CNTN4: variants seen among roughly 807,000 people sequenced by gnomAD.
CNTN4 encodes the protein contactin 4.
CNTN4 carries 77 observed loss-of-function variants against 122.5 expected under a neutral mutation model. The observed-to-expected ratio is 0.63, with a 90% CI of 0.52 to 0.76. CNTN4 has a LOEUF of 0.76. Among genes scored for constraint, CNTN4 ranks in the 30% least tolerant of loss-of-function variants. The pLI, the probability that CNTN4 is intolerant of heterozygous loss-of-function variation, is 0.00. For synonymous variants in CNTN4, 512 were observed against 447.0 expected, an observed-to-expected ratio of 1.15 and a Z score of -1.83; for missense variants, 1,256 against 1,259.1, an observed-to-expected ratio of 1.00 and a Z score of 0.04.
chr3:2,182,007 A>G (rs1427419478), intron 2 of CNTN4, among the ~76,000 whole-genome samples: 2 of 152,168 alleles, frequency 1.3e-5, no homozygotes, highest in East Asian at 1.9e-4. Flanking sequence ...ATCCATTTCA[A>G]TAATGAAGAA....
chr3:2,393,289 C>A (rs2046514157), intron 3 of CNTN4, among the ~76,000 whole-genome samples: 1 of 152,046 alleles, frequency 6.6e-6, no homozygotes, highest in Admixed American at 6.6e-5. Flanking sequence ...ACTAGTTATA[C>A]CTGTAATGAC....
chr3:3,034,711 T>A lies in CNTN4; in HGVS notation c.1863T>A (p.Pro621=), dbSNP rs751018531. The A allele has an allele frequency of 4.3e-6, 7 of 1,614,070 alleles. No individual in the cohort carries two copies. In the South Asian group the frequency reaches 7.7e-5, roughly 18 times the overall value. The change falls in exon 17 of 25, where the codon CCT becomes CCA. Residue 621 remains proline, a synonymous_variant. Transcript: ENST00000418658. ...CTCAGCTCTCCTGGAGACCCGGGCCTGACAACCACAGCCCCATCACCATGT... is the reference window on the plus strand; with the variant it reads ...CTCAGCTCTCCTGGAGACCCGGGCCAGACAACCACAGCCCCATCACCATGT... ...TTAQLSWRPG[P]DNHSPITMYV... is the part of the protein sequence containing the mutation.
At chr3:2,539,961 A>C (rs1257019003) in intron 3 of CNTN4, among the ~76,000 whole-genome samples, 1 of 152,048 alleles carries the variant, frequency 6.6e-6, no homozygotes, top group African/African-American at 2.4e-5. Flanking sequence ...TTTTCCATGC[A>C]GACTCAATAA....
chr3:2,947,404 A>G (rs747878025), intron 13 of CNTN4, among the ~76,000 whole-genome samples: 7 of 152,208 alleles, frequency 4.6e-5, no homozygotes, highest in Non-Finnish European at 1.0e-4. Flanking sequence ...TTGTACATCT[A>G]GATCTAGCTC....
intron 4 of CNTN4, among the ~76,000 whole-genome samples, chr3:2,661,537 G>T (rs2083893880): frequency 6.6e-6 from 1 of 151,816 alleles, no homozygotes; most frequent in Non-Finnish European, 1.5e-5. Context: ...TCCTGGCCAG[G>T]CGTGGTGGCT....
chr3:2,996,014 A>G (rs1193270065), intron 14 of CNTN4, among the ~76,000 whole-genome samples: 2 of 152,194 alleles, frequency 1.3e-5, no homozygotes, highest in African/African-American at 4.8e-5. Flanking sequence ...AATATATTGT[A>G]TGATTAAATA....
chr3:2,541,965 T>A (rs1190700232), intron 3 of CNTN4, among the ~76,000 whole-genome samples: 1 of 152,100 alleles, frequency 6.6e-6, no homozygotes, highest in Non-Finnish European at 1.5e-5. Context: ...TCCAAATATT[T>A]TAAACCAGCA....
chr3:2,515,769 A>G (rs2077022116), intron 3 of CNTN4, among the ~76,000 whole-genome samples: 1 of 152,160 alleles, frequency 6.6e-6, no homozygotes, highest in Admixed American at 6.6e-5. Flanking sequence ...TACTGCAGAT[A>G]CTGGAAAAAG....
At chr3:2,482,262 T>C (rs924248905) in intron 3 of CNTN4, among the ~76,000 whole-genome samples, 5 of 152,120 alleles carry the variant, frequency 3.3e-5, no homozygotes, top group African/African-American at 1.2e-4. Context: ...CTTGCTATGA[T>C]TTAGCAAAGA....
intron 3 of CNTN4, among the ~76,000 whole-genome samples, chr3:2,368,409 G>A (rs1162122760): frequency 6.6e-6 from 1 of 152,040 alleles, no homozygotes; most frequent in Non-Finnish European, 1.5e-5. Context: ...ATATGTGGCT[G>A]TGTCTAGCCA....
intron 4 of CNTN4, among the ~76,000 whole-genome samples, chr3:2,606,685 C>A (rs1044343651): frequency 6.6e-6 from 1 of 152,158 alleles, no homozygotes; most frequent in Admixed American, 6.5e-5. Flanking sequence ...GCTCCTACCC[C>A]TGCTTGTTCG....
At chr3:2,763,994 A>C (rs760029104) in intron 6 of CNTN4, among the ~76,000 whole-genome samples, 1 of 151,844 alleles carries the variant, frequency 6.6e-6, no homozygotes, top group Non-Finnish European at 1.5e-5. Flanking sequence ...ATGAATTTTA[A>C]AATAGTATTT....
At chr3:2,426,325 T>A (rs2047831618) in intron 3 of CNTN4, among the ~76,000 whole-genome samples, 1 of 152,182 alleles carries the variant, frequency 6.6e-6, no homozygotes, top group Non-Finnish European at 1.5e-5. Context: ...ATTGAGATAA[T>A]CATGTGGTTT....
At chr3:2,978,841 C>T (rs1693677200) in intron 13 of CNTN4, among the ~76,000 whole-genome samples, 1 of 152,156 alleles carries the variant, frequency 6.6e-6, no homozygotes, top group South Asian at 2.1e-4. Flanking sequence ...CTGCCATCCT[C>T]CCAGTTTGCT....
At chr3:2,953,544 GTA>G (rs2094768496) in intron 13 of CNTN4, among the ~76,000 whole-genome samples, 1 of 151,200 alleles carries the variant, frequency 6.6e-6, no homozygotes, top group Non-Finnish European at 1.5e-5. Context: ...GGCCTTTTTT[GTA>G]TATGTCCCTT....
At chr3:2,533,932 C>T (rs1356456742) in intron 3 of CNTN4, among the ~76,000 whole-genome samples, 2 of 150,414 alleles carry the variant, frequency 1.3e-5, no homozygotes. Context: ...CTGTTCATAT[C>T]CTTTGCCCAC....
chr3:2,826,913 C>G (rs1296172555), intron 7 of CNTN4, among the ~76,000 whole-genome samples: 1 of 152,170 alleles, frequency 6.6e-6, no homozygotes, highest in African/African-American at 2.4e-5. Flanking sequence ...AGATTTTCAG[C>G]TGCCTCCTTA....
At chr3:3,023,794 G>A (rs1303306971) in intron 14 of CNTN4, among the ~76,000 whole-genome samples, 2 of 152,154 alleles carry the variant, frequency 1.3e-5, no homozygotes, top group Non-Finnish European at 2.9e-5. Flanking sequence ...AATTCCTCCT[G>A]CGTTTGAATA....
At chr3:2,514,110 G>T (rs9864558) in intron 3 of CNTN4, among the ~76,000 whole-genome samples, 33,708 of 152,026 alleles carry the variant, frequency 0.22, 5,716 homozygotes, top group African/African-American at 0.48. Context: ...TTGGGATACA[G>T]CAGCAGAGAG....
Sources: allele counts gnomAD v4.1 joint callset (sites outside exome capture counted in the v4.1 genomes callset), GRCh38; gene constraint gnomAD v4.1.1; transcripts MANE v1.5; gene names NCBI Gene and HGNC (gene_info 2026-07-23, HGNC 2026-07-21).